Variants in LOXHD1 observed in about 807,000 individuals in gnomAD.
LOXHD1 encodes the protein lipoxygenase homology PLAT domains 1, also known as lipoxygenase homology domain-containing protein 1.
In LOXHD1, 205 loss-of-function variants were observed where a neutral mutation model predicts 248.2. The ratio of observed to expected loss-of-function variants is 0.83; its 90% CI spans 0.74 to 0.93. The LOEUF is 0.93. LOXHD1 is among the 40% of genes least tolerant of loss of function. The probability of loss-of-function intolerance (pLI) is 0.00; values close to 1 mark genes in which losing one functional copy is unlikely to be tolerated. For synonymous variants in LOXHD1, 1,113 were observed against 1,162.8 expected (o/e 0.96, Z 0.87); for missense variants, 2,930 against 2,971.6 (o/e 0.99, Z 0.33).
chr18:46,526,547 T>TG (rs1387950618), intron 29 of LOXHD1, among the ~76,000 whole-genome samples: 3 of 151,868 alleles, frequency 2.0e-5, no homozygotes, highest in Non-Finnish European at 4.4e-5. Flanking sequence ...GAAGAGAGGG[T>TG]GGGGCATGCT....
intron 12 of LOXHD1, 117 bp downstream of exon 12, chr18:46,591,816 C>T: frequency 1.5e-6 from 2 of 1,326,234 alleles, no homozygotes; most frequent in Non-Finnish European, 2.1e-6. Context: ...CACTCTGGCA[C>T]TCTAAGGGGC....
chr18:46,520,027 G>A (rs1370329552), intron 33 of LOXHD1, among the ~76,000 whole-genome samples: 5 of 152,184 alleles, frequency 3.3e-5, no homozygotes, highest in Non-Finnish European at 7.4e-5. Context: ...TGGCACAGAG[G>A]CACACACAGG....
At chr18:46,584,354 A>G (rs1213137968) in intron 12 of LOXHD1, among the ~76,000 whole-genome samples, 1 of 152,132 alleles carries the variant, frequency 6.6e-6, no homozygotes, top group Non-Finnish European at 1.5e-5. Context: ...AAAGACTTGT[A>G]TATCACAAAA....
At chr18:46,526,256 G>A (rs1186831016) in intron 29 of LOXHD1, among the ~76,000 whole-genome samples, 2 of 152,190 alleles carry the variant, frequency 1.3e-5, no homozygotes, top group Non-Finnish European at 2.9e-5. Context: ...GAAGCCATCT[G>A]GGGTCCTGTG....
At chr18:46,601,595 A>C in intron 7 of LOXHD1, 128 bp from the exon 8 acceptor site, 2 of 1,278,774 alleles carry the variant, frequency 1.6e-6, no homozygotes, top group Non-Finnish European at 2.2e-6. Context: ...TTTCCCCATC[A>C]TGTCCTACTC....
At chr18:46,552,398 T>C (rs895767040) in intron 21 of LOXHD1, among the ~76,000 whole-genome samples, 7 of 152,152 alleles carry the variant, frequency 4.6e-5, no homozygotes, top group Admixed American at 2.0e-4. Flanking sequence ...ACAAGAGCAT[T>C]TTCTTTTTGG....
At chr18:46,600,828 T>A (rs1432450228) in intron 8 of LOXHD1, among the ~76,000 whole-genome samples, 2 of 152,216 alleles carry the variant, frequency 1.3e-5, no homozygotes, top group Non-Finnish European at 2.9e-5. Flanking sequence ...TAACATTCCT[T>A]ATGTCTTACA....
chr18:46,615,729 T>C (rs1599051715), intron 5 of LOXHD1, among the ~76,000 whole-genome samples: 4 of 152,200 alleles, frequency 2.6e-5, no homozygotes, highest in Admixed American at 1.3e-4. Context: ...GTAGTTAAAA[T>C]CTTTTCCACT....
At chr18:46,528,375 G>A (rs2035915888) in intron 29 of LOXHD1, among the ~76,000 whole-genome samples, 3 of 152,122 alleles carry the variant, frequency 2.0e-5, no homozygotes, top group Non-Finnish European at 4.4e-5. Flanking sequence ...AGGAGTAGAG[G>A]CGGGGAGAGG....
At chr18:46,616,155 T>C (rs1026190407) in intron 5 of LOXHD1, among the ~76,000 whole-genome samples, 2 of 152,214 alleles carry the variant, frequency 1.3e-5, no homozygotes, top group African/African-American at 4.8e-5. Context: ...CTCTGTTCTA[T>C]TTATTAATAC....
chr18:46,652,769 C>T (rs1023046939), intron 1 of LOXHD1, among the ~76,000 whole-genome samples: 46 of 152,144 alleles, frequency 3.0e-4, no homozygotes, highest in Admixed American at 2.0e-3. Context: ...AACAAAACCC[C>T]AGAAATAACC....
At chr18:46,619,095 T>C (rs990005349) in intron 4 of LOXHD1, among the ~76,000 whole-genome samples, 3 of 152,286 alleles carry the variant, frequency 2.0e-5, no homozygotes, top group Middle Eastern at 3.4e-3. Context: ...GGGTTGGTAT[T>C]TGTGGTCAAG....
chr18:46,611,046 G>T, intron 5 of LOXHD1, 122 bp from the exon 6 acceptor site: 2 of 1,146,240 alleles, frequency 1.7e-6, no homozygotes, highest in Non-Finnish European at 2.4e-6. Flanking sequence ...TTCCTCCTGA[G>T]ATCTAAGGGC....
chr18:46,538,670 C>T (rs1157477789), intron 25 of LOXHD1, among the ~76,000 whole-genome samples: 1 of 152,188 alleles, frequency 6.6e-6, no homozygotes, highest in Non-Finnish European at 1.5e-5. Flanking sequence ...TCTGTCTTGA[C>T]CATTGGTGTA....
intron 37 of LOXHD1, among the ~76,000 whole-genome samples, chr18:46,494,939 C>A (rs1280812940): frequency 6.7e-6 from 1 of 149,022 alleles, no homozygotes; most frequent in African/African-American, 2.5e-5. Context: ...CTGCAAGCTC[C>A]GCCTCCCGGG....
intron 34 of LOXHD1, among the ~76,000 whole-genome samples, chr18:46,513,088 T>C (rs1358329986): frequency 1.3e-5 from 2 of 152,216 alleles, no homozygotes; most frequent in Non-Finnish European, 2.9e-5. Context: ...AATGTTTACC[T>C]TAAAAGCTGA....
At position 46,534,395 on chromosome 18, in the gene LOXHD1, G is replaced by T. The variant is rs758494024; in HGVS notation, c.4152C>A (p.Gly1384=). The change falls in exon 27 of 41, where the codon GGC becomes GGA. Residue 1384 remains glycine, a synonymous_variant. Transcript: ENST00000642948. ...EKIRIGHNNT[G]MNPGWHCSHV... ...GAGAGCAGTGCCACCCAGGATTCAT[G>T]CCCGTGTTATTATGGCCAATCCGAA... is the stretch of plus-strand genomic sequence containing the variant. 67 of 1,551,558 alleles carry T rather than the reference G, an allele frequency of 4.3e-5. No homozygotes were observed. Among genetic ancestry groups the T allele is most frequent in the Non-Finnish European group, 5.8e-5 (67 of 1,146,992 alleles).
At position 46,534,387 on chromosome 18, in the gene LOXHD1, G is replaced by A; in HGVS notation, c.4160C>T (p.Pro1387Leu). 6.4e-7 allele frequency: 1 copy of A among 1,551,688 alleles called. No individual in the cohort carries two copies. Among genetic ancestry groups the A allele is most frequent in the Non-Finnish European group, 8.7e-7 (1 of 1,146,988 alleles). The change falls in exon 27 of 41, where the codon CCT (proline) becomes CTT (leucine). Residue 1387 changes from proline (P) to leucine (L), a missense_variant. Coordinates refer to ENST00000642948, the MANE Select transcript of LOXHD1 (RefSeq NM_001384474.1). Reference sequence around the variant, plus strand: ...GTCCACGTGAGAGCAGTGCCACCCAGGATTCATGCCCGTGTTATTATGGCC... The same window carrying A: ...GTCCACGTGAGAGCAGTGCCACCCAAGATTCATGCCCGTGTTATTATGGCC... ...RIGHNNTGMNPGWHCSHVDIR... is the reference protein window; with the variant it reads ...RIGHNNTGMNLGWHCSHVDIR...
intron 34 of LOXHD1, among the ~76,000 whole-genome samples, chr18:46,511,957 A>T (rs2034988218): frequency 6.6e-6 from 1 of 152,150 alleles, no homozygotes; most frequent in South Asian, 2.1e-4. Context: ...AGTGGAAGAG[A>T]TCTGATTTAA....
Sources: allele counts gnomAD v4.1 joint callset (sites outside exome capture counted in the v4.1 genomes callset), GRCh38; gene constraint gnomAD v4.1.1; transcripts MANE v1.5; gene names NCBI Gene and HGNC (gene_info 2026-07-23, HGNC 2026-07-21).